ONECUT3: variants seen among roughly 807,000 people sequenced by gnomAD.
The protein encoded by ONECUT3 is one cut homeobox 3.
A neutral mutation model predicts 16.8 loss-of-function variants in ONECUT3; 11 were observed. That is an observed-to-expected ratio of 0.66 (90% CI 0.41 to 1.09). The LOEUF is 1.09. Among genes scored for constraint, ONECUT3 ranks in the 50% least tolerant of loss-of-function variants. The pLI is 0.00. For synonymous variants in ONECUT3, 344 were observed against 310.7 expected, an observed-to-expected ratio of 1.11 and a Z score of -1.13; for missense variants, 637 against 629.9, an observed-to-expected ratio of 1.01 and a Z score of -0.12.
chr19:1,774,268 C>T (rs1384176248), intron 1 of ONECUT3, among the ~76,000 whole-genome samples: 1 of 152,054 alleles, frequency 6.6e-6, no homozygotes, highest in Non-Finnish European at 1.5e-5. Context: ...AGGAGTGTCG[C>T]TGCTGCTCAT....
chr19:1,765,654 G>A (rs1001318307), intron 1 of ONECUT3, among the ~76,000 whole-genome samples: 2 of 152,180 alleles, frequency 1.3e-5, no homozygotes, highest in Admixed American at 6.5e-5. Context: ...GTGCTTCGGC[G>A]TTCATTCCTT....
Position 1,762,162 on chromosome 19 carries a change from G to T in ONECUT3, c.1192+7308G>T, listed in dbSNP as rs1323307707. Among the ~76,000 whole-genome samples, 2 of 152,352 alleles carry T rather than the reference G, an allele frequency of 1.3e-5. No individual in the cohort carries two copies. Among genetic ancestry groups the T allele is most frequent in the South Asian group, 2.1e-4 (1 of 4,832 alleles). ...GAAGACGCCCCATCTCCCCCTGGAC[G>T]CAGTGGCTGCGCCATCTGGAGACCC... On this transcript the variant is annotated intron_variant, in intron 1 of 1. Coordinates refer to ENST00000382349, the MANE Select transcript of ONECUT3 (RefSeq NM_001080488.2). This position sits in a 1 kb window ranked among gnomAD's most constrained non-coding sequence, Gnocchi z 4.4.
At chr19:1,775,126 G>GGGCCCCCCCCCCCCCCCCCC in intron 1 of ONECUT3, 27 bp from the exon 2 acceptor site, 6 of 1,143,898 alleles carry the variant, frequency 5.2e-6, no homozygotes, top group South Asian at 1.7e-5. Flanking sequence ...TGTCCCGCTC[G>GGGCCCCCCCCCCCCCCCCCC]CCCGCCCGCC....
chr19:1,767,377 G>A (rs2068001941), intron 1 of ONECUT3, among the ~76,000 whole-genome samples: 1 of 151,976 alleles, frequency 6.6e-6, no homozygotes, highest in Non-Finnish European at 1.5e-5. Context: ...ACACCAGGCA[G>A]GGCCCAAGAG....
In ONECUT3 at chr19:1,776,347, G is replaced by C. The variant is rs894091487; in HGVS notation, c.*902G>C. 3 of 152,288 alleles carry C rather than the reference G, an allele frequency of 2.0e-5. No homozygotes were observed. Among genetic ancestry groups the C allele is most frequent in the Admixed American group, 2.0e-4 (3 of 15,292 alleles). 9.4% of individuals were successfully genotyped at this position (152,288 alleles called of 1,614,324 possible). A position where few individuals can be genotyped will look rare whatever the true frequency, so the allele number is the denominator to read the frequency against. ...CCAGGCTCCCAGGAGAAGGGGACCC[G>C]GCCGGAGAAGGCGCCGCTGGGGCCG... On this transcript the variant is annotated 3_prime_UTR_variant, in exon 2 of 2. Coordinates refer to ENST00000382349, the MANE Select transcript of ONECUT3 (RefSeq NM_001080488.2). The surrounding 1 kb of genome is among the most constrained non-coding windows in gnomAD (Gnocchi z 4.9).
intron 1 of ONECUT3, among the ~76,000 whole-genome samples, chr19:1,763,305 A>G (rs1463104029): frequency 7.0e-6 from 1 of 141,874 alleles, no homozygotes; most frequent in Non-Finnish European, 1.5e-5. Flanking sequence ...CAGAGGTTGC[A>G]GTGAGCCGAG....
Position 1,759,745 on chromosome 19 carries a change from T to C in ONECUT3, c.1192+4891T>C, listed in dbSNP as rs1277780806. ...AGCCTCAGTTTTCTTATCTGAGAAA[T>C]GGGCAGAATGAAATGACGCCTAGGA... On this transcript the variant is annotated intron_variant, in intron 1 of 1. Transcript: ENST00000382349. This position sits in a 1 kb window ranked among gnomAD's most constrained non-coding sequence, Gnocchi z 4.1. 1.3e-5 allele frequency among the ~76,000 whole-genome samples: 2 copies of C among 150,968 alleles called. No individual in the cohort carries two copies. Among genetic ancestry groups the C allele is most frequent in the Non-Finnish European group, 2.9e-5 (2 of 67,850 alleles).
intron 1 of ONECUT3, among the ~76,000 whole-genome samples, chr19:1,773,643 C>T (rs548032286): frequency 3.3e-4 from 51 of 152,304 alleles, no homozygotes; most frequent in African/African-American, 9.4e-4. Context: ...CCTGCACCAC[C>T]GGCCACTTCT....
chr19:1,775,737 T>G lies in ONECUT3; in HGVS notation c.*292T>G. On this transcript the variant is annotated 3_prime_UTR_variant, in exon 2 of 2. Transcript: ENST00000382349. Reference sequence around the variant, plus strand: ...AGGGGTTTCCCAGCCCCCTCTCCATTCAGGACGCCCAGAGGGCCTCGAGAA... The same window carrying G: ...AGGGGTTTCCCAGCCCCCTCTCCATGCAGGACGCCCAGAGGGCCTCGAGAA... 1 of 288,822 alleles carries G rather than the reference T, an allele frequency of 3.5e-6. No individual in the cohort carries two copies. The highest frequency in any genetic ancestry group is 7.5e-5 in the East Asian group (1 of 13,352). The allele number at this position is 288,822 out of a possible 1,614,324, so 17.9% of individuals were successfully genotyped here. A position where few individuals can be genotyped will look rare whatever the true frequency, so the allele number is the denominator to read the frequency against.
rs934202689 is a variant in ONECUT3, at chr19:1,758,141, G to A, written c.1192+3287G>A. Among the ~76,000 whole-genome samples the A allele has an allele frequency of 6.6e-6, 1 of 152,136 alleles. No homozygotes were observed. Among genetic ancestry groups the A allele is most frequent in the African/African-American group, 2.4e-5 (1 of 41,428 alleles). ...CCCGCAGGTGCAGACGGAGAGGGAG[G>A]GGGAGACGGGGAGATGGAGAGAGAG... On this transcript the variant is annotated intron_variant, in intron 1 of 1. Coordinates refer to ENST00000382349, the MANE Select transcript of ONECUT3 (RefSeq NM_001080488.2). This position sits in a 1 kb window ranked among gnomAD's most constrained non-coding sequence, Gnocchi z 5.9.
At chr19:1,763,725 C>CTTTT (rs1353515219) in intron 1 of ONECUT3, among the ~76,000 whole-genome samples, 1 of 122,602 alleles carries the variant, frequency 8.2e-6, no homozygotes. Flanking sequence ...TTTTATTTCC[C>CTTTT]TTTTTTGTTT....
rs1163163360 is a variant in ONECUT3, at chr19:1,754,555, C to A, written c.893C>A (p.Pro298Gln). 7 of 1,006,350 alleles carry A rather than the reference C, an allele frequency of 7.0e-6. No homozygotes were observed. The allele number at this position is 1,006,350 out of a possible 1,614,324, so 62.3% of individuals were successfully genotyped here. Reference protein sequence around the residue: ...GGLAAAGAHGPHGGGGGPGGS... With the variant: ...GGLAAAGAHGQHGGGGGPGGS... Reference sequence around the variant, plus strand: ...CTGGCGGCGGCCGGGGCGCACGGGCCGCACGGGGGAGGCGGCGGCCCCGGC... The same window carrying A: ...CTGGCGGCGGCCGGGGCGCACGGGCAGCACGGGGGAGGCGGCGGCCCCGGC... The change falls in exon 1 of 2, where the codon CCG (proline) becomes CAG (glutamine). Residue 298 changes from proline (P) to glutamine (Q), a missense_variant. Pro to Gln is a moderately conservative substitution (Grantham distance 76, BLOSUM62 -1). Around this residue, in one of 3 missense-constraint regions of ONECUT3, gnomAD observed 419 missense variants for 377.9 expected, o/e 1.11. Coordinates refer to ENST00000382349, the MANE Select transcript of ONECUT3 (RefSeq NM_001080488.2). The surrounding 1 kb of genome is among the most constrained non-coding windows in gnomAD (Gnocchi z 7.4).
Position 1,758,849 on chromosome 19 carries a change from G to T in ONECUT3, c.1192+3995G>T, listed in dbSNP as rs1287709156. Among the ~76,000 whole-genome samples the T allele has an allele frequency of 6.6e-6, 1 of 152,180 alleles. No individual in the cohort carries two copies. The highest frequency in any genetic ancestry group is 1.5e-5 in the Non-Finnish European group (1 of 68,034). On this transcript the variant is annotated intron_variant, in intron 1 of 1. Transcript: ENST00000382349. This position sits in a 1 kb window ranked among gnomAD's most constrained non-coding sequence, Gnocchi z 5.9. ...CGTCTCTAATTCATCACCGTCGCCG[G>T]GTCGATAGCTTCGGCCGTCTTCAAA... is the stretch of plus-strand genomic sequence containing the variant.
chr19:1,775,036 G>A, intron 1 of ONECUT3, 117 bp from the exon 2 acceptor site: 1 of 623,904 alleles, frequency 1.6e-6, no homozygotes. Flanking sequence ...TTTCCCCAAC[G>A]TGTCCCTTCT....
chr19:1,760,104 G>A (rs988419140), intron 1 of ONECUT3, among the ~76,000 whole-genome samples: 5 of 152,230 alleles, frequency 3.3e-5, no homozygotes, highest in African/African-American at 9.6e-5. Context: ...TCACCTGCCC[G>A]GAACGACATT....
At position 1,758,249 on chromosome 19, in the gene ONECUT3, GC is replaced by G. The variant is rs1367188447; in HGVS notation, c.1192+3398del. 1.3e-5 allele frequency among the ~76,000 whole-genome samples: 2 copies of G among 149,436 alleles called. No homozygotes were observed. Among genetic ancestry groups the G allele is most frequent in the Admixed American group, 6.7e-5 (1 of 14,984 alleles). On this transcript the variant is annotated intron_variant, in intron 1 of 1. Transcript: ENST00000382349. The surrounding 1 kb of genome is among the most constrained non-coding windows in gnomAD (Gnocchi z 5.9). ...ACAGACGGGGAGAAGAGAAAAAGAA[GC>G]CCAGAAAGGAACAGAGGTGAAGGAG...
In ONECUT3 at chr19:1,764,982, T is replaced by G. The variant is rs567917746; in HGVS notation, c.1192+10128T>G. The stretch of plus-strand genomic sequence containing the variant: ...TCTGCTCCCTGAAGCCAGAGGTGGC[T>G]GAGGGAGGGGATCTCCAGCTCCAGG... On this transcript the variant is annotated intron_variant, in intron 1 of 1. Coordinates refer to ENST00000382349, the MANE Select transcript of ONECUT3 (RefSeq NM_001080488.2). The surrounding 1 kb of genome is among the most constrained non-coding windows in gnomAD (Gnocchi z 5.0). 3.2e-4 allele frequency among the ~76,000 whole-genome samples: 49 copies of G among 151,574 alleles called. No homozygotes were observed. The East Asian group carries it at 8.9e-3, about 28-fold the overall frequency.
chr19:1,756,959 G>A (rs946213027), intron 1 of ONECUT3, among the ~76,000 whole-genome samples: 1 of 152,118 alleles, frequency 6.6e-6, no homozygotes, highest in African/African-American at 2.4e-5. Flanking sequence ...ACATATTTGG[G>A]GGACATTGTG....
rs939576238 is a variant in ONECUT3 at position 1,759,819 on chromosome 19, G to A, written c.1192+4965G>A. On this transcript the variant is annotated intron_variant, in intron 1 of 1. Coordinates refer to ENST00000382349, the MANE Select transcript of ONECUT3 (RefSeq NM_001080488.2). This position sits in a 1 kb window ranked among gnomAD's most constrained non-coding sequence, Gnocchi z 4.1. ...GGCTCAGGGGTCTGAAGGGGCCACC[G>A]TAGGTTTCCACAGGGATGCACGGAG... Among the ~76,000 whole-genome samples the A allele has an allele frequency of 3.9e-5, 6 of 152,312 alleles. No homozygotes were observed. The highest frequency in any genetic ancestry group is 2.6e-4 in the Admixed American group (4 of 15,312).
Sources: allele counts gnomAD v4.1 joint callset (sites outside exome capture counted in the v4.1 genomes callset), GRCh38; gene constraint gnomAD v4.1.1; regional missense constraint gnomAD v4.1.1; non-coding constraint Gnocchi (gnomAD v3.1); transcripts MANE v1.5; gene names NCBI Gene and HGNC (gene_info 2026-07-23, HGNC 2026-07-21).